PHIP: variants seen among roughly 807,000 people sequenced by gnomAD.
PHIP encodes the protein PHIP subunit of CUL4-Ring ligase complex, also known as PH-interacting protein.
PHIP carries 54 observed loss-of-function variants against 236.8 expected under a neutral mutation model. The observed-to-expected ratio is 0.23, with a 90% CI of 0.18 to 0.29. PHIP has a LOEUF of 0.29. PHIP is among the 10% of genes least tolerant of loss of function. The pLI, the probability that PHIP is intolerant of heterozygous loss-of-function variation, is 1.00. For synonymous variants in PHIP, 756 were observed against 718.9 expected (o/e 1.05, Z -0.83); for missense variants, 1,370 against 2,190.8 (o/e 0.63, Z 7.48).
At chr6:79,074,977 G>C (rs1253733089) in intron 4 of PHIP, among the ~76,000 whole-genome samples, 5 of 152,044 alleles carry the variant, frequency 3.3e-5, no homozygotes, top group Non-Finnish European at 7.4e-5. Context: ...CAGTTTATTA[G>C]TTAATACAAC....
At chr6:78,976,718 C>T (rs62427275) in intron 24 of PHIP, among the ~76,000 whole-genome samples, 36,457 of 143,970 alleles carry the variant, frequency 0.25, 4,847 homozygotes, top group Non-Finnish European at 0.3. Context: ...GGGCGAAGGA[C>T]ATGAACAGAC....
At chr6:79,036,701 C>G (rs564969471) in intron 7 of PHIP, among the ~76,000 whole-genome samples, 1 of 152,090 alleles carries the variant, frequency 6.6e-6, no homozygotes, top group Admixed American at 6.5e-5. Context: ...GCGGGTAGAT[C>G]ATGAGGTCAG....
chr6:78,971,000 A>T, intron 24 of PHIP, 112 bp from the exon 25 acceptor site: 1 of 684,828 alleles, frequency 1.5e-6, no homozygotes, highest in South Asian at 1.9e-5. Context: ...AGCTAATAGA[A>T]ATTCTAATAT....
chr6:78,948,375 ATTGGAAC>A (rs1327076077), intron 35 of PHIP, among the ~76,000 whole-genome samples: 1 of 152,218 alleles, frequency 6.6e-6, no homozygotes, highest in African/African-American at 2.4e-5. Flanking sequence ...TAGGTAACAG[ATTGGAAC>A]CAATAAAAAC....
chr6:78,992,245 G>C lies in PHIP; in HGVS notation c.2202-1260C>G, dbSNP rs144825914. On this transcript the variant is annotated intron_variant, in intron 19 of 39. Transcript: ENST00000275034. Reference sequence around the variant, plus strand: ...CCCAAAGTGCTGGGATTACAGGTGTGAGCCACCGCGCCGGCCCAAAATGGT... The same window carrying C: ...CCCAAAGTGCTGGGATTACAGGTGTCAGCCACCGCGCCGGCCCAAAATGGT... 0.013 allele frequency among the ~76,000 whole-genome samples: 1,990 copies of C among 152,088 alleles called. 93 individuals carry two copies. In the East Asian group the frequency reaches 0.14, roughly 11 times the overall value.
chr6:79,020,916 A>G (rs1429184888), intron 9 of PHIP, among the ~76,000 whole-genome samples: 5 of 152,184 alleles, frequency 3.3e-5, no homozygotes, highest in African/African-American at 9.7e-5. Flanking sequence ...ATTATATTTT[A>G]AAGTATTAAA....
intron 17 of PHIP, among the ~76,000 whole-genome samples, chr6:78,999,067 G>A (rs1201779954): frequency 2.0e-5 from 3 of 152,126 alleles, no homozygotes; most frequent in Non-Finnish European, 2.9e-5. Flanking sequence ...TAGCATTTGC[G>A]CTGAGATTTA....
At chr6:79,050,769 C>T (rs922235541) in intron 6 of PHIP, among the ~76,000 whole-genome samples, 1 of 151,918 alleles carries the variant, frequency 6.6e-6, no homozygotes, top group African/African-American at 2.4e-5. Context: ...TTTATTTAAT[C>T]ATAAAAAAGA....
chr6:79,017,897 G>A (rs532099034), intron 10 of PHIP, among the ~76,000 whole-genome samples: 38 of 151,800 alleles, frequency 2.5e-4, no homozygotes, highest in African/African-American at 5.5e-4. Flanking sequence ...TATTTCTCTC[G>A]CAATTCTGCT....
intron 17 of PHIP, among the ~76,000 whole-genome samples, chr6:79,000,996 C>T (rs1344864457): frequency 6.6e-6 from 1 of 151,984 alleles, no homozygotes. Flanking sequence ...AAATAAGATG[C>T]ACGTTTGAGG....
At chr6:78,954,150 G>A (rs1039547637) in intron 35 of PHIP, among the ~76,000 whole-genome samples, 1 of 152,114 alleles carries the variant, frequency 6.6e-6, no homozygotes, top group Non-Finnish European at 1.5e-5. Flanking sequence ...CGCCCAGGCT[G>A]GAGTACGGCA....
chr6:78,970,036 C>A lies in PHIP; in HGVS notation c.3122+13G>T, dbSNP rs1477877763. 2.5e-6 allele frequency: 4 copies of A among 1,612,220 alleles called. No homozygotes were observed. Among genetic ancestry groups the A allele is most frequent in the Non-Finnish European group, 3.4e-6 (4 of 1,179,286 alleles). On this transcript the variant is annotated intron_variant, in intron 26 of 39. Coordinates refer to ENST00000275034, the MANE Select transcript of PHIP (RefSeq NM_017934.7). ...ATACTAAGAAAACCATTGCCTCTTT[C>A]AACAGTCCTTACTTCATGGTAAATG...
chr6:78,959,876 C>A (rs571045645), intron 31 of PHIP, among the ~76,000 whole-genome samples: 14 of 152,188 alleles, frequency 9.2e-5, no homozygotes, highest in Admixed American at 7.9e-4. Flanking sequence ...AAAATGCATG[C>A]GATATACTTA....
rs904127810 is a variant in PHIP, at chr6:78,982,871, T to A, written c.2769+15A>T. ...TCTCTAGAAAACACCAAATTTGTAA[T>A]GTTAAAAACCAAACCTTTTGTTTTC... On this transcript the variant is annotated intron_variant, in intron 23 of 39. Transcript: ENST00000275034. 6 of 1,479,524 alleles carry A rather than the reference T, an allele frequency of 4.1e-6. No individual in the cohort carries two copies. Among genetic ancestry groups the A allele is most frequent in the Non-Finnish European group, 5.5e-6 (6 of 1,095,832 alleles). The allele number at this position is 1,479,524 out of a possible 1,614,324, so 91.6% of individuals were successfully genotyped here. A position where few individuals can be genotyped will look rare whatever the true frequency, so the allele number is the denominator to read the frequency against.
chr6:79,071,384 T>C (rs1468399645), intron 4 of PHIP, among the ~76,000 whole-genome samples: 1 of 152,210 alleles, frequency 6.6e-6, no homozygotes, highest in Non-Finnish European at 1.5e-5. Flanking sequence ...ATAGGTCCAA[T>C]AACATTATTC....
intron 23 of PHIP, among the ~76,000 whole-genome samples, chr6:78,981,812 T>G (rs1768555137): frequency 6.6e-6 from 1 of 152,164 alleles, no homozygotes; most frequent in South Asian, 2.1e-4. Context: ...ACATTTATCA[T>G]CACTGACAAG....
chr6:78,945,761 A>G (rs1773779993), intron 38 of PHIP: 1 of 588,506 alleles, frequency 1.7e-6, no homozygotes, highest in African/African-American at 1.9e-5. Context: ...GGGTACTGTG[A>G]TTTAAATTCA....
intron 6 of PHIP, among the ~76,000 whole-genome samples, chr6:79,049,183 C>G (rs1184402888): frequency 6.6e-6 from 1 of 152,030 alleles, no homozygotes. Context: ...ATGCCTCAGC[C>G]TCCTGAGTAG....
chr6:79,004,852 T>C (rs1016660705), intron 15 of PHIP, among the ~76,000 whole-genome samples: 1 of 152,068 alleles, frequency 6.6e-6, no homozygotes, highest in Non-Finnish European at 1.5e-5. Flanking sequence ...GGATGTACAG[T>C]TCACCAAATG....
Sources: gnomAD v4.1 joint callset for allele counts (sites outside exome capture counted in the v4.1 genomes callset) on GRCh38, gnomAD v4.1.1 for gene constraint, MANE v1.5 for transcripts, NCBI Gene and HGNC (gene_info 2026-07-23, HGNC 2026-07-21) for gene names.